Variants in SLC6A11 observed in about 807,000 individuals in gnomAD.
SLC6A11 encodes sodium- and chloride-dependent GABA transporter 3.
A neutral mutation model predicts 74.8 loss-of-function variants in SLC6A11; 25 were observed. The ratio of observed to expected loss-of-function variants is 0.33; its 90% CI spans 0.24 to 0.47. SLC6A11 has a LOEUF of 0.47. Among genes scored for constraint, SLC6A11 ranks in the 20% least tolerant of loss-of-function variants. The pLI is 1.00. For missense variants in SLC6A11, 574 were observed against 837.0 expected, an observed-to-expected ratio of 0.69 and a Z score of 3.88; for synonymous variants, 330 against 330.2, an observed-to-expected ratio of 1.00 and a Z score of 0.01.
chr3:10,882,110 C>T (rs762765273), intron 6 of SLC6A11, among the ~76,000 whole-genome samples: 1 of 152,096 alleles, frequency 6.6e-6, no homozygotes, highest in Non-Finnish European at 1.5e-5. Flanking sequence ...TGGCCCCATT[C>T]GTCCTCCCTC....
chr3:10,880,379 C>T (rs555505156), intron 6 of SLC6A11, among the ~76,000 whole-genome samples: 3 of 152,322 alleles, frequency 2.0e-5, no homozygotes, highest in Non-Finnish European at 2.9e-5. Context: ...TGTCCCTAGG[C>T]CTGGCTGTTG....
At chr3:10,837,507 G>T (rs1694381904) in intron 4 of SLC6A11, among the ~76,000 whole-genome samples, 1 of 152,120 alleles carries the variant, frequency 6.6e-6, no homozygotes, top group South Asian at 2.1e-4. Flanking sequence ...CCACTTTCTG[G>T]GCATGTCACC....
chr3:10,885,466 C>G (rs59330020), intron 6 of SLC6A11, among the ~76,000 whole-genome samples: 1 of 152,218 alleles, frequency 6.6e-6, no homozygotes, highest in East Asian at 1.9e-4. Flanking sequence ...GAAGCTTTAC[C>G]TCCCAGGAGA....
rs1167360943 is a variant in SLC6A11 at position 10,926,168 on chromosome 3, G to A, written c.1233+52G>A. Reference sequence around the variant, plus strand: ...CAGGAGGGAGGGGAGCCTGGGCCAGGAGGCCAGACGCCACCCTTAGGAGTG... The same window carrying A: ...CAGGAGGGAGGGGAGCCTGGGCCAGAAGGCCAGACGCCACCCTTAGGAGTG... On this transcript the variant is annotated intron_variant, in intron 9 of 13. Coordinates refer to ENST00000254488, the MANE Select transcript of SLC6A11 (RefSeq NM_014229.3). The surrounding 1 kb of genome is among the most constrained non-coding windows in gnomAD (Gnocchi z 5.7). 1.6e-6 allele frequency: 2 copies of A among 1,228,662 alleles called. No homozygotes were observed. The highest frequency in any genetic ancestry group is 3.0e-5 in the African/African-American group (2 of 66,478). 76.1% of individuals were successfully genotyped at this position (1,228,662 alleles called of 1,614,324 possible).
intron 6 of SLC6A11, among the ~76,000 whole-genome samples, chr3:10,899,606 G>T (rs1695213542): frequency 6.6e-6 from 1 of 152,208 alleles, no homozygotes; most frequent in Non-Finnish European, 1.5e-5. Context: ...GCTTCTGAAA[G>T]ATTTCTCCTT....
chr3:10,860,381 T>G (rs969043602), intron 5 of SLC6A11, among the ~76,000 whole-genome samples: 1 of 152,212 alleles, frequency 6.6e-6, no homozygotes, highest in Non-Finnish European at 1.5e-5. Flanking sequence ...GAACCATTTT[T>G]AAAACATGTT....
At chr3:10,906,459 G>A (rs911446919) in intron 6 of SLC6A11, among the ~76,000 whole-genome samples, 9 of 152,188 alleles carry the variant, frequency 5.9e-5, no homozygotes, top group Non-Finnish European at 1.3e-4. Context: ...GAACATAAAG[G>A]CAAAGGGAAT....
rs190275693 is a variant in SLC6A11, at chr3:10,818,035, G to A, written c.257-1430G>A. Reference sequence around the variant, plus strand: ...AAGCATTCATAAAAGCAGAAAACACGGTAAATTGGGTTAATTACAAATTCT... The same window carrying A: ...AAGCATTCATAAAAGCAGAAAACACAGTAAATTGGGTTAATTACAAATTCT... On this transcript the variant is annotated intron_variant, in intron 1 of 13. Coordinates refer to ENST00000254488, the MANE Select transcript of SLC6A11 (RefSeq NM_014229.3). Among the ~76,000 whole-genome samples the A allele has an allele frequency of 1.4e-3, 215 of 150,224 alleles. 2 individuals are homozygous for A. The highest frequency in any genetic ancestry group is 5.0e-3 in the African/African-American group (205 of 40,950).
At chr3:10,933,039 G>T in intron 10 of SLC6A11, 112 bp from the exon 11 acceptor site, 1 of 737,516 alleles carries the variant, frequency 1.4e-6, no homozygotes, top group Non-Finnish European at 2.4e-6. Context: ...CAGATTCCTG[G>T]CAGTGGTAGC....
intron 3 of SLC6A11, among the ~76,000 whole-genome samples, chr3:10,820,785 C>T (rs1694128621): frequency 6.6e-6 from 1 of 152,166 alleles, no homozygotes; most frequent in Admixed American, 6.6e-5. Context: ...GCCTTAGAAC[C>T]CTTCTCCAAT....
Position 10,871,596 on chromosome 3 carries a change from G to A in SLC6A11, c.757-3365G>A, listed in dbSNP as rs149702852. Among the ~76,000 whole-genome samples, 910 of 152,260 alleles carry A rather than the reference G, an allele frequency of 6.0e-3. 11 individuals carry two copies. Among genetic ancestry groups the A allele is most frequent in the African/African-American group, 0.017 (723 of 41,540 alleles). On this transcript the variant is annotated intron_variant, in intron 5 of 13. Coordinates refer to ENST00000254488, the MANE Select transcript of SLC6A11 (RefSeq NM_014229.3). ...GAATCAAGAATGTATATGAAATGCCGAAGATCTATCATAGATGCTGTGTAT... is the reference window on the plus strand; with the variant it reads ...GAATCAAGAATGTATATGAAATGCCAAAGATCTATCATAGATGCTGTGTAT...
At chr3:10,881,354 T>G (rs1265717518) in intron 6 of SLC6A11, among the ~76,000 whole-genome samples, 1 of 152,194 alleles carries the variant, frequency 6.6e-6, no homozygotes, top group African/African-American at 2.4e-5. Flanking sequence ...AGGTGGAGGT[T>G]GCAGGGAGCC....
At chr3:10,822,167 A>G (rs1267228565) in intron 3 of SLC6A11, among the ~76,000 whole-genome samples, 2 of 152,236 alleles carry the variant, frequency 1.3e-5, no homozygotes, top group Non-Finnish European at 2.9e-5. Flanking sequence ...CAGAGATTAC[A>G]GATGTGGTTT....
At chr3:10,869,058 T>C (rs1016314205) in intron 5 of SLC6A11, among the ~76,000 whole-genome samples, 1 of 152,254 alleles carries the variant, frequency 6.6e-6, no homozygotes, top group African/African-American at 2.4e-5. Flanking sequence ...AGCCTGCTTC[T>C]TTATTCCTCT....
intron 8 of SLC6A11, among the ~76,000 whole-genome samples, chr3:10,923,503 A>C (rs1437431066): frequency 6.6e-6 from 1 of 152,196 alleles, no homozygotes; most frequent in Non-Finnish European, 1.5e-5. Context: ...TCAGGAGTCC[A>C]CATTCACATA....
intron 4 of SLC6A11, 64 bp downstream of exon 4, chr3:10,823,456 G>T (rs1023155729): frequency 1.3e-5 from 14 of 1,101,448 alleles, no homozygotes; most frequent in Non-Finnish European, 2.0e-5. Flanking sequence ...TGCTCAGTTG[G>T]TCTTGCCCCT....
At chr3:10,851,276 G>A (rs559172700) in intron 5 of SLC6A11, among the ~76,000 whole-genome samples, 24 of 152,034 alleles carry the variant, frequency 1.6e-4, no homozygotes, top group South Asian at 2.1e-4. Context: ...TCCCTTCCCC[G>A]CCTCCTCCTA....
chr3:10,926,114 C>A lies in SLC6A11; in HGVS notation c.1231C>A (p.Gln411Lys). 1 of 1,604,024 alleles carries A rather than the reference C, an allele frequency of 6.2e-7. No homozygotes were observed. Among genetic ancestry groups the A allele is most frequent in the Non-Finnish European group, 8.5e-7 (1 of 1,171,390 alleles). Reference protein sequence around the residue: ...MMLIFLGLDSQFVCVESLVTA... With the variant: ...MMLIFLGLDSKFVCVESLVTA... ...GCTCATCTTCCTGGGCCTGGACAGC[C>A]AGGTAAGGGGCCATGGGGATGGGGA... is the stretch of plus-strand genomic sequence containing the variant. The change falls in exon 9 of 14, where the codon CAG (glutamine) becomes AAG (lysine). Residue 411 changes from glutamine to lysine, a missense_variant and splice_region_variant. Physicochemically the swap from Gln to Lys is moderately conservative, Grantham distance 53. Coordinates refer to ENST00000254488, the MANE Select transcript of SLC6A11 (RefSeq NM_014229.3). This position sits in a 1 kb window ranked among gnomAD's most constrained non-coding sequence, Gnocchi z 5.7.
At chr3:10,843,959 C>T (rs985045237) in intron 4 of SLC6A11, among the ~76,000 whole-genome samples, 7 of 152,218 alleles carry the variant, frequency 4.6e-5, no homozygotes, top group African/African-American at 1.7e-4. Flanking sequence ...CATCGGAGCC[C>T]TTTCCACGCT....
Sources: gnomAD v4.1 joint callset for allele counts (sites outside exome capture counted in the v4.1 genomes callset) on GRCh38, gnomAD v4.1.1 for gene constraint, Gnocchi (gnomAD v3.1) non-coding constraint, MANE v1.5 for transcripts, NCBI Gene and HGNC (gene_info 2026-07-23, HGNC 2026-07-21) for gene names.